The following FBXL17 variants were observed in gnomAD, a reference collection of about 807,000 sequenced individuals.
The protein encoded by FBXL17 is F-box/LRR-repeat protein 17.
FBXL17 carries 22 observed loss-of-function variants against 66.2 expected under a neutral mutation model. The observed-to-expected ratio is 0.33, with a 90% confidence interval of 0.24 to 0.47. The LOEUF (loss-of-function observed/expected upper bound fraction) is 0.47, where lower values mean the gene tolerates loss of function less well. Ranked by LOEUF, FBXL17 falls within the 20% of genes least tolerant of loss-of-function variation. The pLI is 1.00. For missense variants in FBXL17, 878 were observed against 948.2 expected (o/e 0.93, Z 0.97); for synonymous variants, 474 against 400.5 (o/e 1.18, Z -2.19).
At chr5:108,288,816 G>A (rs142184565) in intron 4 of FBXL17, among the ~76,000 whole-genome samples, 3 of 152,026 alleles carry the variant, frequency 2.0e-5, no homozygotes, top group African/African-American at 7.2e-5. Context: ...AATGGAGAGA[G>A]AGGTATCTAC....
chr5:107,904,890 A>G (rs1749700555), intron 7 of FBXL17, among the ~76,000 whole-genome samples: 1 of 151,942 alleles, frequency 6.6e-6, no homozygotes, highest in South Asian at 2.1e-4. Flanking sequence ...AGAACCCCCA[A>G]TTTTGCGGCA....
At chr5:108,291,790 T>C (rs1177581628) in intron 4 of FBXL17, among the ~76,000 whole-genome samples, 1 of 152,140 alleles carries the variant, frequency 6.6e-6, no homozygotes, top group Non-Finnish European at 1.5e-5. Context: ...TGTCAAGGAC[T>C]AGCAGTTTAA....
chr5:108,072,143 T>TAA (rs777917306), intron 6 of FBXL17, among the ~76,000 whole-genome samples: 12 of 152,188 alleles, frequency 7.9e-5, no homozygotes, highest in Non-Finnish European at 1.6e-4. Context: ...TCTTTGCTCT[T>TAA]ATGTTTATGC....
intron 7 of FBXL17, among the ~76,000 whole-genome samples, chr5:108,001,498 T>G (rs1007614695): frequency 6.6e-6 from 1 of 152,194 alleles, no homozygotes; most frequent in African/African-American, 2.4e-5. Flanking sequence ...TAGTTTTTTT[T>G]TGTATTTTTT....
At chr5:108,219,313 C>A (rs1167386369) in intron 5 of FBXL17, among the ~76,000 whole-genome samples, 1 of 151,828 alleles carries the variant, frequency 6.6e-6, no homozygotes, top group African/African-American at 2.4e-5. Flanking sequence ...GTTATTATTT[C>A]TTCTTAAGTG....
intron 6 of FBXL17, among the ~76,000 whole-genome samples, chr5:108,074,954 G>A (rs1318479480): frequency 6.6e-6 from 1 of 152,218 alleles, no homozygotes; most frequent in Non-Finnish European, 1.5e-5. Context: ...AACACTTAGA[G>A]AAATGTCTTT....
chr5:108,134,744 G>A (rs1478556671), intron 6 of FBXL17, among the ~76,000 whole-genome samples: 2 of 152,146 alleles, frequency 1.3e-5, no homozygotes, highest in Non-Finnish European at 2.9e-5. Flanking sequence ...GTATCCGCTG[G>A]TTTCCAATCC....
chr5:108,381,853 G>T lies in FBXL17; in HGVS notation c.-162C>A. 4 of 1,296,492 alleles carry T rather than the reference G, an allele frequency of 3.1e-6. No homozygotes were observed. The highest frequency in any genetic ancestry group is 2.9e-6 in the Non-Finnish European group (3 of 1,022,780). The allele number at this position is 1,296,492 out of a possible 1,614,324, so 80.3% of individuals were successfully genotyped here. On this transcript the variant is annotated 5_prime_UTR_variant, in exon 1 of 9. Coordinates refer to ENST00000542267, the MANE Select transcript of FBXL17 (RefSeq NM_001163315.3). Reference sequence around the variant, plus strand: ...GGGCACACACGCGACGGTGGGGGGTGGGCGTCAGCTGCGGGCCGCCGGAGT... The same window carrying T: ...GGGCACACACGCGACGGTGGGGGGTTGGCGTCAGCTGCGGGCCGCCGGAGT...
intron 4 of FBXL17, among the ~76,000 whole-genome samples, chr5:108,259,909 A>T (rs1217093381): frequency 6.6e-6 from 1 of 152,098 alleles, no homozygotes; most frequent in African/African-American, 2.4e-5. Context: ...TCTATAAGGT[A>T]ATATATTTTA....
chr5:108,228,167 A>G (rs941710237), intron 4 of FBXL17, among the ~76,000 whole-genome samples: 1 of 152,202 alleles, frequency 6.6e-6, no homozygotes, highest in Non-Finnish European at 1.5e-5. Flanking sequence ...AGAGCCCTGG[A>G]AAGCAAGACA....
intron 7 of FBXL17, among the ~76,000 whole-genome samples, chr5:107,998,545 T>C (rs1483060870): frequency 6.6e-6 from 1 of 151,784 alleles, no homozygotes; most frequent in Non-Finnish European, 1.5e-5. Context: ...ATTCTAAATA[T>C]ATATATTCTG....
intron 4 of FBXL17, among the ~76,000 whole-genome samples, chr5:108,345,344 A>G (rs991471104): frequency 2.7e-5 from 4 of 150,494 alleles, no homozygotes; most frequent in Admixed American, 6.6e-5. Context: ...CTCAAAAAGA[A>G]AAAAAAAAGA....
chr5:108,197,890 T>C (rs1561459594), intron 5 of FBXL17, among the ~76,000 whole-genome samples: 1 of 152,180 alleles, frequency 6.6e-6, no homozygotes. Flanking sequence ...CATTCTCATT[T>C]ATTGGTCTCA....
intron 7 of FBXL17, among the ~76,000 whole-genome samples, chr5:108,020,462 C>CA (rs1184112912): frequency 6.6e-6 from 1 of 151,848 alleles, no homozygotes; most frequent in Admixed American, 6.6e-5. Context: ...CCTATATCCA[C>CA]AAATGGACAT....
At chr5:108,336,304 T>G (rs899220484) in intron 4 of FBXL17, among the ~76,000 whole-genome samples, 4 of 152,232 alleles carry the variant, frequency 2.6e-5, no homozygotes, top group Admixed American at 6.5e-5. Context: ...TGCATTTTAT[T>G]GGTACCAAGA....
At chr5:108,364,338 C>T (rs557955528) in intron 3 of FBXL17, among the ~76,000 whole-genome samples, 23 of 151,690 alleles carry the variant, frequency 1.5e-4, no homozygotes, top group Middle Eastern at 3.4e-3. Flanking sequence ...TCAATTTGGA[C>T]GTCCATTTAT....
chr5:108,114,313 T>C (rs1750154515), intron 6 of FBXL17, among the ~76,000 whole-genome samples: 1 of 152,228 alleles, frequency 6.6e-6, no homozygotes, highest in Admixed American at 6.5e-5. Flanking sequence ...TTAGTGAGTT[T>C]ATTCCATTCA....
intron 1 of FBXL17, among the ~76,000 whole-genome samples, chr5:108,377,665 G>A (rs1196029072): frequency 2.0e-5 from 3 of 152,192 alleles, no homozygotes; most frequent in Non-Finnish European, 4.4e-5. Context: ...ATAGTTTTGG[G>A]CAATTCTGCC....
Position 108,381,896 on chromosome 5 carries a change from T to A in FBXL17, c.-205A>T. ...GCCGGAGTGCCCGACGGGGGCTACA[T>A]GCTTTGCCCAGGGAAGCCGGGAGAA... On this transcript the variant is annotated 5_prime_UTR_variant, in exon 1 of 9. It removes an upstream start codon present in the reference 5' UTR. Transcript: ENST00000542267. 7.8e-7 allele frequency: 1 copy of A among 1,281,852 alleles called. No individual in the cohort carries two copies. The highest frequency in any genetic ancestry group is 9.9e-7 in the Non-Finnish European group (1 of 1,014,780). The allele number at this position is 1,281,852 out of a possible 1,614,324, so 79.4% of individuals were successfully genotyped here. A position where few individuals can be genotyped will look rare whatever the true frequency, so the allele number is the denominator to read the frequency against.
Sources: allele counts gnomAD v4.1 joint callset (sites outside exome capture counted in the v4.1 genomes callset), GRCh38; gene constraint gnomAD v4.1.1; transcripts MANE v1.5; gene names NCBI Gene and HGNC (gene_info 2026-07-23, HGNC 2026-07-21).